The following TCF20 variants were observed in gnomAD, a reference collection of about 807,000 sequenced individuals.
TCF20 encodes transcription factor 20, also known as SPRE-binding protein.
A neutral mutation model predicts 148.6 loss-of-function variants in TCF20; 3 were observed. The ratio of observed to expected loss-of-function variants is 0.02; its 90% CI spans 0.01 to 0.05. The LOEUF is 0.05. TCF20 is among the 10% of genes least tolerant of loss of function. TCF20 has a pLI of 1.00. For missense variants in TCF20, 2,350 were observed against 2,429.3 expected (o/e 0.97, Z 0.69); for synonymous variants, 1,049 against 909.5 (o/e 1.15, Z -2.76).
intron 1 of TCF20, among the ~76,000 whole-genome samples, chr22:42,294,358 G>A (rs1927189512): frequency 6.6e-6 from 1 of 152,218 alleles, no homozygotes; most frequent in Non-Finnish European, 1.5e-5. Flanking sequence ...AATAACTAAT[G>A]CTAACTCAAT....
At chr22:42,258,056 G>C (rs1433234654) in intron 1 of TCF20, among the ~76,000 whole-genome samples, 1 of 152,194 alleles carries the variant, frequency 6.6e-6, no homozygotes, top group East Asian at 1.9e-4. Context: ...GGCACAAAAA[G>C]TTGTGTCCAA....
In TCF20 at chr22:42,299,989, G is replaced by A. The variant is rs1347665839; in HGVS notation, c.-37+43490C>T. Among the ~76,000 whole-genome samples, 1 of 151,374 alleles carries A rather than the reference G, an allele frequency of 6.6e-6. No individual in the cohort carries two copies. The highest frequency in any genetic ancestry group is 1.5e-5 in the Non-Finnish European group (1 of 67,844). The stretch of plus-strand genomic sequence containing the variant: ...GGAGGGGGAGGGGGAGGGGCGCGCT[G>A]AAATCACCCGCAACATCAAAGCCTT... On this transcript the variant is annotated intron_variant, in intron 1 of 1. Coordinates refer to the TCF20 transcript ENST00000515426. This position sits in a 1 kb window ranked among gnomAD's most constrained non-coding sequence, Gnocchi z 4.1.
chr22:42,237,123 A>C (rs1038716039), intron 1 of TCF20, among the ~76,000 whole-genome samples: 1 of 149,484 alleles, frequency 6.7e-6, no homozygotes, highest in African/African-American at 2.6e-5. Flanking sequence ...ATAGCATGCC[A>C]AACTGTTTGA....
rs1235679641 is a variant in TCF20 at position 42,323,897 on chromosome 22, TGGTGGA to T, written c.-37+19576_-37+19581del. Among the ~76,000 whole-genome samples the T allele has an allele frequency of 6.3e-3, 463 of 73,798 alleles. 4 individuals carry two copies. Among genetic ancestry groups the T allele is most frequent in the South Asian group, 0.028 (42 of 1,506 alleles). 48.4% of individuals were successfully genotyped at this position (73,798 alleles called of 152,430 possible). A position where few individuals can be genotyped will look rare whatever the true frequency, so the allele number is the denominator to read the frequency against. ...GTGGTGGTGGTGATGGAGGTTATGG[TGGTGGA>T]GGTGGTGGTGGTGATGGAGGTTATG... On this transcript the variant is annotated intron_variant, in intron 1 of 1. Coordinates refer to the TCF20 transcript ENST00000515426.
intron 1 of TCF20, among the ~76,000 whole-genome samples, chr22:42,266,698 G>C (rs889478026): frequency 6.6e-6 from 1 of 152,302 alleles, no homozygotes; most frequent in South Asian, 2.1e-4. Context: ...GGAATCGCTT[G>C]AGCCTAGAAA....
intron 1 of TCF20, among the ~76,000 whole-genome samples, chr22:42,269,449 G>T (rs190869552): frequency 6.6e-6 from 1 of 152,132 alleles, no homozygotes; most frequent in African/African-American, 2.4e-5. Flanking sequence ...GAGGAAGACG[G>T]CCGCTCCTCG....
intron 1 of TCF20, among the ~76,000 whole-genome samples, chr22:42,313,368 T>C (rs1034614084): frequency 5.3e-5 from 8 of 152,118 alleles, no homozygotes; most frequent in Non-Finnish European, 1.2e-4. Context: ...TCTCCACAAG[T>C]CAGGAAAGGC....
At position 42,212,602 on chromosome 22, in the gene TCF20, G is replaced by A; in HGVS notation, c.2704C>T (p.Pro902Ser). 1.2e-6 allele frequency: 2 copies of A among 1,614,190 alleles called. No homozygotes were observed. The highest frequency in any genetic ancestry group is 1.7e-6 in the Non-Finnish European group (2 of 1,180,004). The change falls in exon 2 of 6, where the codon CCA becomes TCA. Residue 902 changes from proline to serine, a missense_variant. This residue lies in a region of TCF20 where 1,641 missense variants were observed against 1,662.6 expected (regional missense o/e 0.99). Transcript: ENST00000677622. Reference sequence around the variant, plus strand: ...AGAATGACCGACTGACTTAAAGTTGGATTGAGACGGTCATTCCTCCCAATT... The same window carrying A: ...AGAATGACCGACTGACTTAAAGTTGAATTGAGACGGTCATTCCTCCCAATT... ...TRIGRNDRLN[P>S]TLSQSVILPG...
chr22:42,189,232 T>C (rs1330774131), intron 2 of TCF20, among the ~76,000 whole-genome samples: 2 of 152,186 alleles, frequency 1.3e-5, no homozygotes, highest in African/African-American at 4.8e-5. Context: ...CCGACAGGAC[T>C]TGATGCTGAC....
chr22:42,243,335 G>C (rs371774056), intron 1 of TCF20, among the ~76,000 whole-genome samples: 18 of 132,694 alleles, frequency 1.4e-4, no homozygotes, highest in East Asian at 8.4e-4. Flanking sequence ...AGGCATGATG[G>C]CTCACGCCTG....
At chr22:42,202,386 T>G (rs957315593) in intron 2 of TCF20, among the ~76,000 whole-genome samples, 2 of 152,162 alleles carry the variant, frequency 1.3e-5, no homozygotes, top group African/African-American at 4.8e-5. Flanking sequence ...TTACTGTAGG[T>G]GCTGTCAGTT....
chr22:42,304,334 A>G (rs1183790330), intron 1 of TCF20, among the ~76,000 whole-genome samples: 4 of 152,220 alleles, frequency 2.6e-5, no homozygotes, highest in Non-Finnish European at 5.9e-5. Context: ...GTAGAGCCCA[A>G]CAGGGTGGTG....
chr22:42,293,514 G>C (rs1423136182), intron 1 of TCF20, among the ~76,000 whole-genome samples: 3 of 152,324 alleles, frequency 2.0e-5, no homozygotes, highest in African/African-American at 7.2e-5. Context: ...AGCGGGGTGA[G>C]GGGGCTCAGC....
rs1178629024 is a variant in TCF20, at chr22:42,214,582, A to C, written c.724T>G (p.Ser242Ala). 6.2e-7 allele frequency: 1 copy of C among 1,614,052 alleles called. No homozygotes were observed. The highest frequency in any genetic ancestry group is 8.5e-7 in the Non-Finnish European group (1 of 1,180,022). Residue 242 changes from serine (S) to alanine (A), a missense_variant, in exon 2 of 6, where the codon TCC becomes GCC. By Grantham distance (99) the Ser-to-Ala change is moderately conservative (BLOSUM62 1). This residue lies in a region of TCF20 where 1,641 missense variants were observed against 1,662.6 expected (regional missense o/e 0.99). Transcript: ENST00000677622. ...GGTGAAGGGAAGGAGGAGGAGGAGG[A>C]GGAGGAAGCAGAAGACTGATAGTGT... ...GQHYQSSASS[S>A]SSSSFPSPQR...
rs972136508 is a variant in TCF20 at position 42,290,483 on chromosome 22, G to A, written c.-37+52996C>T. On this transcript the variant is annotated intron_variant, in intron 1 of 1. Transcript: ENST00000515426. The surrounding 1 kb of genome is among the most constrained non-coding windows in gnomAD (Gnocchi z 4.2). ...TGTGGGTGTGACCAGGCCATGGAGC[G>A]GGCAGGCTGGGGGCACGTGGGAGGC... Among the ~76,000 whole-genome samples, 14 of 152,176 alleles carry A rather than the reference G, an allele frequency of 9.2e-5. No homozygotes were observed. Among genetic ancestry groups the A allele is most frequent in the Non-Finnish European group, 1.5e-4 (10 of 68,026 alleles).
chr22:42,231,684 T>C (rs1423857863), intron 1 of TCF20, among the ~76,000 whole-genome samples: 1 of 152,042 alleles, frequency 6.6e-6, no homozygotes, highest in Non-Finnish European at 1.5e-5. Flanking sequence ...AATCCCAGCA[T>C]TTTGAGAGGC....
rs182666309 is a variant in TCF20 at position 42,341,175 on chromosome 22, C to T, written c.-37+2304G>A. On this transcript the variant is annotated intron_variant, in intron 1 of 1. Coordinates refer to the TCF20 transcript ENST00000515426. ...TGCCTTTCTGGGGGGGATGCAAACCCCCCAGTCCCCCACACTCACTCACAC... is the reference window on the plus strand; with the variant it reads ...TGCCTTTCTGGGGGGGATGCAAACCTCCCAGTCCCCCACACTCACTCACAC... Among the ~76,000 whole-genome samples the T allele has an allele frequency of 2.0e-5, 3 of 152,282 alleles. No homozygotes were observed. In the East Asian group the frequency reaches 5.8e-4, roughly 29 times the overall value.
intron 1 of TCF20, among the ~76,000 whole-genome samples, chr22:42,309,606 T>C (rs1227570369): frequency 6.6e-6 from 1 of 151,952 alleles, no homozygotes; most frequent in Non-Finnish European, 1.5e-5. Flanking sequence ...ACCGTGCCCG[T>C]GGCCCTCCAC....
chr22:42,322,942 C>T lies in TCF20; in HGVS notation c.-37+20537G>A, dbSNP rs748902575. 4.7e-5 allele frequency among the ~76,000 whole-genome samples: 7 copies of T among 150,504 alleles called. 1 individual carries two copies. The highest frequency in any genetic ancestry group is 7.4e-5 in the Non-Finnish European group (5 of 67,474). ...TTTTTTTGAGATGGAGTTTCACTCTCGTTGCCCAGGCTGGAGTGCAATGGT... is the reference window on the plus strand; with the variant it reads ...TTTTTTTGAGATGGAGTTTCACTCTTGTTGCCCAGGCTGGAGTGCAATGGT... On this transcript the variant is annotated intron_variant, in intron 1 of 1. Transcript: ENST00000515426.
Sources: gnomAD v4.1 joint callset for allele counts (sites outside exome capture counted in the v4.1 genomes callset) on GRCh38, gnomAD v4.1.1 for gene constraint, gnomAD v4.1.1 regional missense constraint, Gnocchi (gnomAD v3.1) non-coding constraint, MANE v1.5 for transcripts, NCBI Gene and HGNC (gene_info 2026-07-23, HGNC 2026-07-21) for gene names.